The following PRXL2A variants were observed in gnomAD, a reference collection of about 807,000 sequenced individuals.
The protein encoded by PRXL2A is peroxiredoxin-like 2A.
Under a neutral mutation model 25.6 loss-of-function variants are expected in PRXL2A, and 26 were observed. The ratio of observed to expected loss-of-function variants is 1.02; its 90% CI spans 0.74 to 1.41. PRXL2A has a LOEUF of 1.41. PRXL2A is among the 40% of genes most tolerant of loss of function. The probability of loss-of-function intolerance (pLI) is 0.00; values close to 1 mark genes in which losing one functional copy is unlikely to be tolerated. For synonymous variants in PRXL2A, 98 were observed against 102.9 expected (o/e 0.95, Z 0.29); for missense variants, 246 against 273.9 (o/e 0.90, Z 0.72).
intron 1 of PRXL2A, among the ~76,000 whole-genome samples, chr10:80,419,315 T>C (rs1298305529): frequency 6.9e-6 from 1 of 145,208 alleles, no homozygotes; most frequent in Admixed American, 6.9e-5. Flanking sequence ...TTTTTTTCTT[T>C]TTTTTTTTTG....
intron 1 of PRXL2A, among the ~76,000 whole-genome samples, chr10:80,416,729 T>C (rs1490154431): frequency 6.6e-6 from 1 of 152,254 alleles, no homozygotes; most frequent in Non-Finnish European, 1.5e-5. Flanking sequence ...CACGAAGTCC[T>C]GAATTCTTTG....
At position 80,434,344 on chromosome 10, in the gene PRXL2A, A is replaced by C. The variant is rs979636318; in HGVS notation, c.*2245A>C. The C allele has an allele frequency of 2.0e-5, 3 of 152,202 alleles. No homozygotes were observed. The highest frequency in any genetic ancestry group is 7.2e-5 in the African/African-American group (3 of 41,438). 9.4% of individuals were successfully genotyped at this position (152,202 alleles called of 1,614,324 possible). Reference sequence around the variant, plus strand: ...TAGTTTACCAGTGTGATCTTAAGCAAAGATCTAACTCATTGGCAAAATGGG... The same window carrying C: ...TAGTTTACCAGTGTGATCTTAAGCACAGATCTAACTCATTGGCAAAATGGG... On this transcript the variant is annotated 3_prime_UTR_variant, in exon 6 of 6. Transcript: ENST00000606162.
chr10:80,416,453 G>T (rs1844663870), intron 1 of PRXL2A, among the ~76,000 whole-genome samples: 1 of 152,322 alleles, frequency 6.6e-6, no homozygotes, highest in Non-Finnish European at 1.5e-5. Flanking sequence ...TTTGGGCACA[G>T]AACTGAGGAG....
At chr10:80,417,711 C>A (rs1484299674) in intron 1 of PRXL2A, among the ~76,000 whole-genome samples, 1 of 151,786 alleles carries the variant, frequency 6.6e-6, no homozygotes, top group Admixed American at 6.6e-5. Context: ...GTTTGGTTAC[C>A]CCCGTTACCT....
intron 1 of PRXL2A, among the ~76,000 whole-genome samples, chr10:80,414,435 G>A (rs1844581203): frequency 6.6e-6 from 1 of 152,266 alleles, no homozygotes; most frequent in African/African-American, 2.4e-5. Context: ...CTGGTGTATG[G>A]TAAATTTCCT....
intron 1 of PRXL2A, among the ~76,000 whole-genome samples, chr10:80,418,399 G>T (rs529714648): frequency 6.6e-6 from 1 of 152,008 alleles, no homozygotes; most frequent in Non-Finnish European, 1.5e-5. Context: ...TTTCCATGTG[G>T]CTTCAATGCT....
Position 80,425,994 on chromosome 10 carries a change from C to G in PRXL2A, c.399C>G (p.Phe133Leu), listed in dbSNP as rs546715508. The G allele has an allele frequency of 1.9e-6, 3 of 1,614,172 alleles. No homozygotes were observed. The highest frequency in any genetic ancestry group is 4.5e-5 in the East Asian group (2 of 44,888). Residue 133 changes from phenylalanine (F) to leucine (L), a missense_variant, in exon 4 of 6, where the codon TTC becomes TTG. Phe to Leu is a conservative substitution (Grantham distance 22). Transcript: ENST00000606162. ...AGCCTTATTTCAAAGGAGAAATCTT[C>G]CTGGATGAAAAGGTGTGTGTGATGG... ...DFQPYFKGEI[F>L]LDEKKKFYGP...
chr10:80,420,300 C>T (rs1305507291), intron 1 of PRXL2A, 166 bp from the exon 2 acceptor site: 2 of 1,359,722 alleles, frequency 1.5e-6, no homozygotes, highest in African/African-American at 2.9e-5. Context: ...GTTCTGGTGG[C>T]AGCAGGTGCT....
chr10:80,422,513 G>A lies in PRXL2A; in HGVS notation c.270+5G>A, dbSNP rs951944340. On this transcript the variant is annotated splice_donor_5th_base_variant and intron_variant, in intron 3 of 5. Coordinates refer to ENST00000606162, the MANE Select transcript of PRXL2A (RefSeq NM_032333.5). The stretch of plus-strand genomic sequence containing the variant: ...GGCTGTTTCCTCTGTCGAGAGGTGA[G>A]TGCAGATGAGGATCTATTCAGAGAA... 6.2e-7 allele frequency: 1 copy of A among 1,610,778 alleles called. No homozygotes were observed. Among genetic ancestry groups the A allele is most frequent in the Non-Finnish European group, 8.5e-7 (1 of 1,177,062 alleles).
intron 1 of PRXL2A, among the ~76,000 whole-genome samples, chr10:80,417,321 TAC>T (rs1844696367): frequency 6.6e-6 from 1 of 152,240 alleles, no homozygotes; most frequent in Non-Finnish European, 1.5e-5. Flanking sequence ...GGGAACTTCA[TAC>T]ATTGTTGGTG....
intron 1 of PRXL2A, chr10:80,413,918 G>T: frequency 8.5e-7 from 1 of 1,180,024 alleles, no homozygotes. Context: ...TGAGGTTGGG[G>T]GTAAGAGACC....
intron 5 of PRXL2A, among the ~76,000 whole-genome samples, chr10:80,431,655 A>G (rs1845265600): frequency 6.6e-6 from 1 of 151,528 alleles, no homozygotes; most frequent in South Asian, 2.1e-4. Context: ...TTTTCTCTTC[A>G]CCTGGTATGT....
rs901233316 is a variant in PRXL2A, at chr10:80,408,587, C to G, written c.-59C>G. The G allele has an allele frequency of 2.6e-5, 4 of 152,258 alleles. No individual in the cohort carries two copies. Among genetic ancestry groups the G allele is most frequent in the Non-Finnish European group, 5.9e-5 (4 of 68,132 alleles). The allele number at this position is 152,258 out of a possible 1,614,324, so 9.4% of individuals were successfully genotyped here. On this transcript the variant is annotated 5_prime_UTR_variant, in exon 1 of 6. Transcript: ENST00000606162. Reference sequence around the variant, plus strand: ...GGACCCTCCGGGCCGGGCGGTTTGGCCCCTTAGCGCCCGGGCGTCGGGGCG... The same window carrying G: ...GGACCCTCCGGGCCGGGCGGTTTGGGCCCTTAGCGCCCGGGCGTCGGGGCG...
At chr10:80,422,351 A>C (rs925520306) in intron 2 of PRXL2A, 66 bp from the exon 3 acceptor site, 1 of 1,322,264 alleles carries the variant, frequency 7.6e-7, no homozygotes. Context: ...AGTGTGGTTC[A>C]TGAGCTGCTT....
chr10:80,432,153 G>A lies in PRXL2A; in HGVS notation c.*54G>A, dbSNP rs1478282556. 8.4e-6 allele frequency: 9 copies of A among 1,067,802 alleles called. No individual in the cohort carries two copies. The highest frequency in any genetic ancestry group is 1.1e-5 in the Non-Finnish European group (8 of 703,708). 66.1% of individuals were successfully genotyped at this position (1,067,802 alleles called of 1,614,324 possible). A position where few individuals can be genotyped will look rare whatever the true frequency, so the allele number is the denominator to read the frequency against. On this transcript the variant is annotated 3_prime_UTR_variant, in exon 6 of 6. Transcript: ENST00000606162. ...ACCAGGGACATTCACCTGTGTTCATGGGATGTATTGTTTCCACTCGTGTCC... is the reference window on the plus strand; with the variant it reads ...ACCAGGGACATTCACCTGTGTTCATAGGATGTATTGTTTCCACTCGTGTCC...
chr10:80,431,395 G>A (rs999858829), intron 5 of PRXL2A, among the ~76,000 whole-genome samples: 1 of 151,648 alleles, frequency 6.6e-6, no homozygotes, highest in African/African-American at 2.4e-5. Flanking sequence ...CTCTAACAAG[G>A]ATTCCTTGAT....
At chr10:80,429,146 A>AGGCAGG (rs56897254) in intron 5 of PRXL2A, among the ~76,000 whole-genome samples, 1 of 151,934 alleles carries the variant, frequency 6.6e-6, no homozygotes, top group African/African-American at 2.4e-5. Context: ...CTGGGATTAC[A>AGGCAGG]AGCTCACGCC....
chr10:80,410,613 CTT>C (rs756479604), intron 1 of PRXL2A, among the ~76,000 whole-genome samples: 1 of 152,242 alleles, frequency 6.6e-6, no homozygotes, highest in Non-Finnish European at 1.5e-5. Flanking sequence ...AAAAATTGCT[CTT>C]CTTATATAAT....
rs2131928471 is a variant in PRXL2A at position 80,436,656 on chromosome 10, C to G, written c.*4557C>G. The G allele has an allele frequency of 6.6e-6, 1 of 152,348 alleles. No individual in the cohort carries two copies. Among genetic ancestry groups the G allele is most frequent in the East Asian group, 1.9e-4 (1 of 5,186 alleles). 9.4% of individuals were successfully genotyped at this position (152,348 alleles called of 1,614,324 possible). A position where few individuals can be genotyped will look rare whatever the true frequency, so the allele number is the denominator to read the frequency against. ...GCCCTCTTGTTTCTGGCTTTTCATT[C>G]TCCCCCAAGGCTACCCATAGAAACT... On this transcript the variant is annotated 3_prime_UTR_variant, in exon 6 of 6. Coordinates refer to ENST00000606162, the MANE Select transcript of PRXL2A (RefSeq NM_032333.5).
Sources: allele counts gnomAD v4.1 joint callset (sites outside exome capture counted in the v4.1 genomes callset), GRCh38; gene constraint gnomAD v4.1.1; transcripts MANE v1.5; gene names NCBI Gene and HGNC (gene_info 2026-07-23, HGNC 2026-07-21).